The following RNF11 variants were observed in gnomAD, a reference collection of about 807,000 sequenced individuals.
RNF11 encodes ring finger protein 11.
Under a neutral mutation model 15.8 loss-of-function variants are expected in RNF11, and 4 were observed. The ratio of observed to expected loss-of-function variants is 0.25; its 90% confidence interval spans 0.12 to 0.58. RNF11 has a LOEUF of 0.58. Among genes scored for constraint, RNF11 ranks in the 20% least tolerant of loss-of-function variants. The pLI is 0.91. For synonymous variants in RNF11, 68 were observed against 72.3 expected (o/e 0.94, Z 0.30); for missense variants, 139 against 194.4 (o/e 0.71, Z 1.70).
intron 1 of RNF11, among the ~76,000 whole-genome samples, chr1:51,263,998 G>A (rs1646941921): frequency 6.6e-6 from 1 of 151,944 alleles, no homozygotes; most frequent in South Asian, 2.1e-4. Flanking sequence ...TCACTCCTGG[G>A]ATCCCAGCAC....
rs144025389 is a variant in RNF11, at chr1:51,253,469, G to A, written c.124-16487G>A. On this transcript the variant is annotated intron_variant, in intron 1 of 2. Coordinates refer to ENST00000242719, the MANE Select transcript of RNF11 (RefSeq NM_014372.5). ...GCCCAGGAGCTCGAGGTAACAGTGA[G>A]ATATGATCACACCACTACACTCCAG... 3.2e-3 allele frequency among the ~76,000 whole-genome samples: 472 copies of A among 146,974 alleles called. 4 individuals carry two copies. In the South Asian group the frequency reaches 0.033, roughly 10 times the overall value.
At chr1:51,255,332 C>T (rs1646899618) in intron 1 of RNF11, among the ~76,000 whole-genome samples, 1 of 152,190 alleles carries the variant, frequency 6.6e-6, no homozygotes, top group African/African-American at 2.4e-5. Context: ...ACAATCATAG[C>T]TCATTGCAGC....
At chr1:51,260,165 A>C (rs913435519) in intron 1 of RNF11, among the ~76,000 whole-genome samples, 1 of 152,158 alleles carries the variant, frequency 6.6e-6, no homozygotes, top group African/African-American at 2.4e-5. Context: ...ACCTTTAAAC[A>C]TTTCAGTTTT....
At chr1:51,253,334 G>A (rs867983855) in intron 1 of RNF11, among the ~76,000 whole-genome samples, 1 of 151,960 alleles carries the variant, frequency 6.6e-6, no homozygotes, top group East Asian at 1.9e-4. Context: ...AGACCAGCCT[G>A]GGCAGAATAC....
chr1:51,244,659 C>T (rs535802415), intron 1 of RNF11, among the ~76,000 whole-genome samples: 1 of 152,316 alleles, frequency 6.6e-6, no homozygotes, highest in South Asian at 2.1e-4. Flanking sequence ...CAAGCGTGAG[C>T]CACCGCGCCC....
chr1:51,239,174 C>G (rs1386228475), intron 1 of RNF11, among the ~76,000 whole-genome samples: 2 of 152,170 alleles, frequency 1.3e-5, no homozygotes, highest in Non-Finnish European at 2.9e-5. Context: ...TATCCCCTTT[C>G]TTAATTGAAT....
At chr1:51,242,597 T>C (rs1646835310) in intron 1 of RNF11, among the ~76,000 whole-genome samples, 2 of 152,306 alleles carry the variant, frequency 1.3e-5, no homozygotes, top group African/African-American at 4.8e-5. Flanking sequence ...TACTGCTTAT[T>C]TTTAAGCATG....
rs561401829 is a variant in RNF11, at chr1:51,254,249, T to A, written c.124-15707T>A. Among the ~76,000 whole-genome samples the A allele has an allele frequency of 3.9e-5, 6 of 152,252 alleles. No homozygotes were observed. In the South Asian group the frequency reaches 1.2e-3, roughly 32 times the overall value. ...AAGAATAAAACATGGTCTCCTTGAT[T>A]AGAGTTAGATATTCCTTGCTTCCTT... On this transcript the variant is annotated intron_variant, in intron 1 of 2. Coordinates refer to ENST00000242719, the MANE Select transcript of RNF11 (RefSeq NM_014372.5).
At chr1:51,270,383 T>TG (rs1646972653) in intron 2 of RNF11, among the ~76,000 whole-genome samples, 1 of 151,990 alleles carries the variant, frequency 6.6e-6, no homozygotes, top group African/African-American at 2.4e-5. Flanking sequence ...GAGGCTGAGG[T>TG]CGGGGGATCA....
At chr1:51,270,951 TC>T (rs1341631721) in intron 2 of RNF11, among the ~76,000 whole-genome samples, 199 bp from the exon 3 acceptor site, 1 of 152,216 alleles carries the variant, frequency 6.6e-6, no homozygotes, top group Non-Finnish European at 1.5e-5. Context: ...TCCTGCAAAT[TC>T]TCAGGGGATT....
At position 51,272,345 on chromosome 1, in the gene RNF11, A is replaced by G. The variant is rs1371715798; in HGVS notation, c.*1023A>G. 6.6e-6 allele frequency: 1 copy of G among 152,596 alleles called. No individual in the cohort carries two copies. Among genetic ancestry groups the G allele is most frequent in the Non-Finnish European group, 1.5e-5 (1 of 68,016 alleles). The allele number at this position is 152,596 out of a possible 1,614,324, so 9.5% of individuals were successfully genotyped here. On this transcript the variant is annotated 3_prime_UTR_variant, in exon 3 of 3. Transcript: ENST00000242719. ...AGGATACTGCATCTCTCATTACTGTAGTGCTGAGGTTATTGAAGTTATACA... is the reference window on the plus strand; with the variant it reads ...AGGATACTGCATCTCTCATTACTGTGGTGCTGAGGTTATTGAAGTTATACA...
chr1:51,271,482 T>C lies in RNF11; in HGVS notation c.*160T>C. 1 of 564,124 alleles carries C rather than the reference T, an allele frequency of 1.8e-6. No individual in the cohort carries two copies. Among genetic ancestry groups the C allele is most frequent in the African/African-American group, 1.9e-5 (1 of 53,784 alleles). The allele number at this position is 564,124 out of a possible 1,614,324, so 34.9% of individuals were successfully genotyped here. A position where few individuals can be genotyped will look rare whatever the true frequency, so the allele number is the denominator to read the frequency against. ...AGATGTTGGGGGAAAAAGTACGTGA[T>C]ATTTTAGAAACTTAGTGGGAAAAGT... is the stretch of plus-strand genomic sequence containing the variant. On this transcript the variant is annotated 3_prime_UTR_variant, in exon 3 of 3. Coordinates refer to ENST00000242719, the MANE Select transcript of RNF11 (RefSeq NM_014372.5).
intron 1 of RNF11, chr1:51,265,792 A>G (rs1366606169): frequency 6.6e-6 from 1 of 152,064 alleles, no homozygotes; most frequent in Non-Finnish European, 1.5e-5. Flanking sequence ...AGAAGAGCCC[A>G]TATATTAAGT....
At chr1:51,254,142 C>T (rs1646893746) in intron 1 of RNF11, among the ~76,000 whole-genome samples, 1 of 152,170 alleles carries the variant, frequency 6.6e-6, no homozygotes, top group Admixed American at 6.5e-5. Flanking sequence ...TGGGGGGTTC[C>T]CCCTAAAACT....
At chr1:51,253,474 G>T (rs369166602) in intron 1 of RNF11, among the ~76,000 whole-genome samples, 79 of 147,252 alleles carry the variant, frequency 5.4e-4, no homozygotes, top group African/African-American at 1.9e-3. Flanking sequence ...AGTGAGATAT[G>T]ATCACACCAC....
At chr1:51,265,937 C>A (rs551612744) in intron 1 of RNF11, 23 of 151,964 alleles carry the variant, frequency 1.5e-4, no homozygotes, top group African/African-American at 5.1e-4. Context: ...CTGCAACCTC[C>A]GCCTCCCAGG....
Position 51,236,670 on chromosome 1 carries a change from C to G in RNF11, c.-87C>G. ...TCCCCGGCCTGTCGCCCGACCCCAC[C>G]TCGCCAACCGAGGCGGACCGCGGAG... On this transcript the variant is annotated 5_prime_UTR_variant, in exon 1 of 3. Coordinates refer to ENST00000242719, the MANE Select transcript of RNF11 (RefSeq NM_014372.5). 1 of 1,572,274 alleles carries G rather than the reference C, an allele frequency of 6.4e-7. No individual in the cohort carries two copies. Among genetic ancestry groups the G allele is most frequent in the Non-Finnish European group, 8.7e-7 (1 of 1,153,956 alleles).
rs2148075935 is a variant in RNF11 at position 51,271,488 on chromosome 1, AG to A, written c.*167del. The A allele has an allele frequency of 1.8e-6, 1 of 553,334 alleles. No individual in the cohort carries two copies. Among genetic ancestry groups the A allele is most frequent in the African/African-American group, 1.9e-5 (1 of 53,448 alleles). 34.3% of individuals were successfully genotyped at this position (553,334 alleles called of 1,614,324 possible). On this transcript the variant is annotated 3_prime_UTR_variant, in exon 3 of 3. Coordinates refer to ENST00000242719, the MANE Select transcript of RNF11 (RefSeq NM_014372.5). ...TGGGGGAAAAAGTACGTGATATTTTAGAAACTTAGTGGGAAAAGTAGGATGG... is the reference window on the plus strand; with the variant it reads ...TGGGGGAAAAAGTACGTGATATTTTAAAACTTAGTGGGAAAAGTAGGATGG...
At chr1:51,239,994 T>G (rs560917772) in intron 1 of RNF11, among the ~76,000 whole-genome samples, 1 of 152,354 alleles carries the variant, frequency 6.6e-6, no homozygotes, top group East Asian at 1.9e-4. Context: ...TTTCTTTCCA[T>G]GGTTTCTTTT....
Sources: allele counts gnomAD v4.1 joint callset (sites outside exome capture counted in the v4.1 genomes callset), GRCh38; gene constraint gnomAD v4.1.1; transcripts MANE v1.5; gene names NCBI Gene and HGNC (gene_info 2026-07-23, HGNC 2026-07-21).